Variants in ZDHHC11 observed in about 807,000 individuals in gnomAD.
ZDHHC11 encodes the protein zDHHC palmitoyltransferase 11.
Under a neutral mutation model 51.3 loss-of-function variants are expected in ZDHHC11, and 44 were observed. The ratio of observed to expected loss-of-function variants is 0.86; its 90% CI spans 0.67 to 1.10. The LOEUF (loss-of-function observed/expected upper bound fraction) is 1.10. ZDHHC11 is among the 50% of genes least tolerant of loss of function. ZDHHC11 has a pLI of 0.00. For missense variants in ZDHHC11, 400 were observed against 537.7 expected (o/e 0.74, Z 2.53); for synonymous variants, 163 against 222.0 (o/e 0.73, Z 2.36).
chr5:807,842 A>T (rs1194504068), intron 11 of ZDHHC11, among the ~76,000 whole-genome samples: 1 of 151,612 alleles, frequency 6.6e-6, no homozygotes, highest in African/African-American at 2.4e-5. Context: ...GGTGCCAATT[A>T]GTTTCTGATC....
chr5:840,201 A>C (rs1408258344), intron 5 of ZDHHC11: 1 of 691,052 alleles, frequency 1.4e-6, no homozygotes, highest in Non-Finnish European at 2.6e-6. Flanking sequence ...AACATTTTAA[A>C]CTTGTTACTT....
intron 5 of ZDHHC11, 49 bp downstream of exon 5, chr5:840,446 C>G: frequency 6.2e-7 from 1 of 1,612,248 alleles, no homozygotes; most frequent in East Asian, 2.2e-5. Context: ...ATGAGCAGCT[C>G]TGACCACCCA....
chr5:806,196 T>C (rs866926761), intron 11 of ZDHHC11, among the ~76,000 whole-genome samples: 4 of 151,122 alleles, frequency 2.6e-5, no homozygotes, highest in Non-Finnish European at 5.9e-5. Flanking sequence ...AGTGCAGGGA[T>C]AGACAAAACT....
rs765291302 is a variant in ZDHHC11 at position 848,649 on chromosome 5, C to G, written c.234G>C (p.Gly78=). ...GGACGACGAGGTGGAACGAGAAGAT[C>G]CCCCCGGTCACCTGGCATGTCAAGG... is the stretch of plus-strand genomic sequence containing the variant. ...WKYIAYVVTG[G]IFSFHLVVHL... The change falls in exon 2 of 13, where the codon GGG becomes GGC. Residue 78 remains glycine, a synonymous_variant. Transcript: ENST00000283441. 6.3e-7 allele frequency: 1 copy of G among 1,597,218 alleles called. No individual in the cohort carries two copies. Among genetic ancestry groups the G allele is most frequent in the East Asian group, 2.2e-5 (1 of 44,700 alleles).
At chr5:855,158 A>C (rs1224100842), upstream of ZDHHC11, among the ~76,000 whole-genome samples, 1 of 141,004 alleles carries the variant, frequency 7.1e-6, no homozygotes, top group African/African-American at 2.7e-5. Context: ...GCCGGGGGAC[A>C]CAGACCCTAC....
Position 850,881 on chromosome 5 carries a change from G to C in ZDHHC11, c.-279C>G. ...GGAAAACGGCTCTCCAGGGTGTGGA[G>C]GACCCAGTGCCCGCGCGACCGCCCA... is the stretch of plus-strand genomic sequence containing the variant. On this transcript the variant is annotated 5_prime_UTR_variant, in exon 1 of 13. Coordinates refer to ENST00000283441, the MANE Select transcript of ZDHHC11 (RefSeq NM_024786.3). 1 of 561,218 alleles carries C rather than the reference G, an allele frequency of 1.8e-6. No individual in the cohort carries two copies. The highest frequency in any genetic ancestry group is 2.3e-5 in the South Asian group (1 of 42,690). 34.8% of individuals were successfully genotyped at this position (561,218 alleles called of 1,614,324 possible).
At chr5:833,621 T>C (rs1471904145) in intron 7 of ZDHHC11, 152 bp downstream of exon 7, 2 of 562,138 alleles carry the variant, frequency 3.6e-6, no homozygotes, top group African/African-American at 3.8e-5. Flanking sequence ...TTTAACAACA[T>C]TAAACAAAAC....
Position 850,578 on chromosome 5 carries a change from A to C in ZDHHC11, c.25T>G (p.Cys9Gly). 1 of 1,613,438 alleles carries C rather than the reference A, an allele frequency of 6.2e-7. No individual in the cohort carries two copies. Among genetic ancestry groups the C allele is most frequent in the East Asian group, 2.2e-5 (1 of 44,864 alleles). The change falls in exon 1 of 13, where the codon TGT becomes GGT. Residue 9 changes from cysteine (C) to glycine (G), a missense_variant. Cys to Gly is a radical substitution (Grantham distance 159, BLOSUM62 -3). This residue lies in a region of ZDHHC11 where 119 missense variants were observed against 99.6 expected (regional missense o/e 1.20). Coordinates refer to ENST00000283441, the MANE Select transcript of ZDHHC11 (RefSeq NM_024786.3). MDTRSGSQCSVTPEAILNN... is the reference protein window; with the variant it reads MDTRSGSQGSVTPEAILNN... ...AGTATGGCTTCTGGGGTGACGGAAC[A>C]CTGGCTCCCGGAGCGGGTGTCCATC...
At chr5:844,817 C>G (rs139310059) in intron 3 of ZDHHC11, among the ~76,000 whole-genome samples, 958 of 152,172 alleles carry the variant, frequency 6.3e-3, no homozygotes, top group Non-Finnish European at 0.011. Context: ...ACCAAATCCA[C>G]TCCCAGTCTC....
intron 11 of ZDHHC11, among the ~76,000 whole-genome samples, chr5:812,444 GA>G (rs1740215761): frequency 6.6e-6 from 1 of 151,624 alleles, no homozygotes; most frequent in South Asian, 2.1e-4. Flanking sequence ...CATACAAGAG[GA>G]ACTGTGAAAC....
intron 12 of ZDHHC11, among the ~76,000 whole-genome samples, chr5:799,790 ACTT>A (rs1418160880): frequency 2.0e-5 from 3 of 151,462 alleles, no homozygotes; most frequent in East Asian, 3.9e-4. Flanking sequence ...GCACCAATTT[ACTT>A]CTTCTTTCCT....
At position 825,369 on chromosome 5, in the gene ZDHHC11, G is replaced by A. The variant is rs868599343; in HGVS notation, c.936-118C>T. 4,472 of 1,012,052 alleles carry A rather than the reference G, an allele frequency of 4.4e-3. 49 individuals carry two copies. In the African/African-American group the frequency reaches 0.059, roughly 13 times the overall value. The allele number at this position is 1,012,052 out of a possible 1,614,324, so 62.7% of individuals were successfully genotyped here. On this transcript the variant is annotated intron_variant, in intron 7 of 12. Coordinates refer to ENST00000283441, the MANE Select transcript of ZDHHC11 (RefSeq NM_024786.3). ...ACTGCTGTGGGGCACACATGTCTCA[G>A]AAACTTGTAGACCAGCAGCTCCTGG... is the stretch of plus-strand genomic sequence containing the variant.
Position 850,910 on chromosome 5 carries a change from G to A in ZDHHC11, c.-308C>T, listed in dbSNP as rs1025518292. On this transcript the variant is annotated 5_prime_UTR_variant, in exon 1 of 13. Coordinates refer to ENST00000283441, the MANE Select transcript of ZDHHC11 (RefSeq NM_024786.3). ...CCAGTGCCCGCGCGACCGCCCATCA[G>A]TTCCCCTGAGGATTTGTTACGTTCT... The A allele has an allele frequency of 3.0e-5, 13 of 438,150 alleles. No homozygotes were observed. Among genetic ancestry groups the A allele is most frequent in the Non-Finnish European group, 3.9e-6 (1 of 258,920 alleles). The allele number at this position is 438,150 out of a possible 1,614,324, so 27.1% of individuals were successfully genotyped here. A position where few individuals can be genotyped will look rare whatever the true frequency, so the allele number is the denominator to read the frequency against.
At chr5:821,311 C>T (rs1335405259) in intron 9 of ZDHHC11, 13 of 151,776 alleles carry the variant, frequency 8.6e-5, no homozygotes, top group African/African-American at 2.9e-4. Context: ...TCAATTTCCA[C>T]TGCGCCTCCT....
Position 840,587 on chromosome 5 carries a change from A to G in ZDHHC11, c.692T>C (p.Leu231Pro). 1 of 1,613,914 alleles carries G rather than the reference A, an allele frequency of 6.2e-7. No individual in the cohort carries two copies. Among genetic ancestry groups the G allele is most frequent in the Non-Finnish European group, 8.5e-7 (1 of 1,179,876 alleles). ...LPLFPVQVQT[L>P]IVVIIGMLVL... ...GAGCATCCCGATGATCACGACTATC[A>G]GGGTCTGCACCTGCACCGGGAACAG... The change falls in exon 5 of 13, where the codon CTG (leucine) becomes CCG (proline). Residue 231 changes from leucine to proline, a missense_variant. Physicochemically the swap from Leu to Pro is moderately conservative, Grantham distance 98 (BLOSUM62 -3). Coordinates refer to ENST00000283441, the MANE Select transcript of ZDHHC11 (RefSeq NM_024786.3).
chr5:838,615 A>C (rs1744277199), intron 5 of ZDHHC11, among the ~76,000 whole-genome samples: 1 of 152,156 alleles, frequency 6.6e-6, no homozygotes, highest in African/African-American at 2.4e-5. Context: ...GGGTGGGGAC[A>C]GGCCTGGGCG....
chr5:846,802 CTCAGGGGAAACACGTCTCATCTGTGA>C, intron 3 of ZDHHC11, among the ~76,000 whole-genome samples: 4 of 146,806 alleles, frequency 2.7e-5, no homozygotes, highest in African/African-American at 1.0e-4. Context: ...CTCCACCGTG[CTCAGGGGAAACACGTCTCATCTGTGA>C]GCCTCCACCG....
intron 10 of ZDHHC11, among the ~76,000 whole-genome samples, chr5:818,952 G>A (rs1161218763): frequency 6.6e-6 from 1 of 151,492 alleles, no homozygotes; most frequent in African/African-American, 2.4e-5. Flanking sequence ...TAGCCACACA[G>A]GGCTTTTCCC....
At chr5:855,232 C>CG (rs370245732), upstream of ZDHHC11, among the ~76,000 whole-genome samples, 1 of 147,100 alleles carries the variant, frequency 6.8e-6, no homozygotes, top group African/African-American at 2.6e-5. Context: ...ACAGACCCCA[C>CG]AGAGGACAGC....
Sources: gnomAD v4.1 joint callset for allele counts (sites outside exome capture counted in the v4.1 genomes callset) on GRCh38, gnomAD v4.1.1 for gene constraint, gnomAD v4.1.1 regional missense constraint, MANE v1.5 for transcripts, NCBI Gene and HGNC (gene_info 2026-07-23, HGNC 2026-07-21) for gene names.